PAX6: variants seen among roughly 807,000 people sequenced by gnomAD.
The protein encoded by PAX6 is paired box protein Pax-6.
Under a neutral mutation model 60.7 loss-of-function variants are expected in PAX6, and 7 were observed. That is an observed-to-expected ratio of 0.12 (90% CI 0.07 to 0.22). PAX6 has a LOEUF of 0.22. Among genes scored for constraint, PAX6 ranks in the 10% least tolerant of loss-of-function variants. The pLI, the probability that PAX6 is intolerant of heterozygous loss-of-function variation, is 1.00. For missense variants in PAX6, 355 were observed against 555.2 expected (o/e 0.64, Z 3.62); for synonymous variants, 208 against 201.2 (o/e 1.03, Z -0.29).
Position 31,790,004 on chromosome 11 carries a change from C to A in PAX6, c.1241G>T (p.Gly414Val). 6.3e-7 allele frequency: 1 copy of A among 1,592,278 alleles called. No individual in the cohort carries two copies. Among genetic ancestry groups the A allele is most frequent in the Non-Finnish European group, 8.5e-7 (1 of 1,175,702 alleles). Residue 414 changes from glycine to valine, a missense_variant, in exon 14 of 14, where the codon GGT becomes GTT. Around this residue, in one of 5 missense-constraint regions of PAX6, gnomAD observed 149 missense variants for 191.9 expected, o/e 0.78. Coordinates refer to ENST00000640368, the MANE Select transcript of PAX6 (RefSeq NM_001368894.2). ...GGGAACTTGAACTGGAACTGACACA[C>A]CAGGGGAAATGAGTCCTAGAAGTGG... ...GTTSTGLISP[G>V]VSVPVQVPGS...
chr11:31,793,628 C>G (rs982149565), intron 11 of PAX6, 24 bp downstream of exon 11: 1 of 1,614,014 alleles, frequency 6.2e-7, no homozygotes, highest in Non-Finnish European at 8.5e-7. Flanking sequence ...GACATTGATT[C>G]GTAGTATTAG....
At chr11:31,799,738 C>T (rs1042828054) in intron 8 of PAX6, among the ~76,000 whole-genome samples, 8 of 152,192 alleles carry the variant, frequency 5.3e-5, no homozygotes, top group Non-Finnish European at 1.2e-4. Flanking sequence ...GCAGCCTCCT[C>T]GCAGTCCCGC....
Position 31,794,698 on chromosome 11 carries a change from T to G in PAX6, c.656A>C (p.Gln219Pro), listed in dbSNP as rs745639948. Residue 219 changes from glutamine to proline, a missense_variant, in exon 9 of 14, where the codon CAG becomes CCG. Physicochemically the swap from Gln to Pro is moderately conservative, Grantham distance 76. Coordinates refer to ENST00000640368, the MANE Select transcript of PAX6 (RefSeq NM_001368894.2). The part of the protein sequence containing the change: ...EDSDEAQMRL[Q>P]LKRKLQRNRT... The stretch of plus-strand genomic sequence containing the variant: ...ATTTCTTTGCAGCTTCCGCTTCAGC[T>G]GAAGTCGCATTTGAGCCTCATCTGA... The G allele has an allele frequency of 6.2e-7, 1 of 1,614,210 alleles. No individual in the cohort carries two copies. The highest frequency in any genetic ancestry group is 1.7e-5 in the Admixed American group (1 of 60,034).
intron 8 of PAX6, among the ~76,000 whole-genome samples, chr11:31,796,708 G>A (rs1052452633): frequency 3.3e-5 from 5 of 151,924 alleles, no homozygotes; most frequent in African/African-American, 1.2e-4. Flanking sequence ...AAACATAGAG[G>A]CTAGAAAGGT....
At chr11:31,801,799 A>G in intron 6 of PAX6, 23 bp from the exon 7 acceptor site, 1 of 1,614,188 alleles carries the variant, frequency 6.2e-7, no homozygotes, top group Non-Finnish European at 8.5e-7. Context: ...AGTGGACAGA[A>G]AACCACATTA....
At chr11:31,815,930 C>A (rs994274836), upstream of PAX6, among the ~76,000 whole-genome samples, 1 of 152,214 alleles carries the variant, frequency 6.6e-6, no homozygotes, top group Non-Finnish European at 1.5e-5. Context: ...TTGGCTCAGC[C>A]GAATGCGGCC....
At chr11:31,802,647 G>T (rs1299818621) in intron 5 of PAX6, 57 bp downstream of exon 5, 3 of 1,573,728 alleles carry the variant, frequency 1.9e-6, no homozygotes, top group Admixed American at 1.8e-5. Flanking sequence ...ATGAAGAGAG[G>T]GCGTTGAGAG....
chr11:31,801,019 GATAGCT>G, intron 7 of PAX6, 163 bp from the exon 8 acceptor site: 1 of 823,772 alleles, frequency 1.2e-6, no homozygotes, highest in Admixed American at 2.0e-5. Context: ...TGGAAAAAAT[GATAGCT>G]ATCACTTTGG....
At chr11:31,807,343 G>T in intron 2 of PAX6, 1 of 152,726 alleles carries the variant, frequency 6.5e-6, no homozygotes, top group Non-Finnish European at 1.5e-5. Flanking sequence ...GTGCCGGAGA[G>T]CATAGGCTGG....
At chr11:31,790,129 T>C (rs1312143508) in intron 13 of PAX6, 110 bp from the exon 14 acceptor site, 1 of 739,506 alleles carries the variant, frequency 1.4e-6, no homozygotes, top group African/African-American at 1.8e-5. Context: ...AACTAATACT[T>C]TCTAACATTT....
chr11:31,802,194 A>G (rs1351977470), intron 5 of PAX6: 3 of 449,186 alleles, frequency 6.7e-6, no homozygotes, highest in African/African-American at 2.0e-5. Flanking sequence ...TGATTTTTTT[A>G]CTTCTTCTTC....
At chr11:31,792,482 A>G (rs1230561266) in intron 12 of PAX6, 1 of 152,220 alleles carries the variant, frequency 6.6e-6, no homozygotes, top group Non-Finnish European at 1.5e-5. Context: ...TGGAGAATAA[A>G]CAATCAGTGT....
At chr11:31,814,586 G>A (rs1266908175), upstream of PAX6, 1 of 152,290 alleles carries the variant, frequency 6.6e-6, no homozygotes, top group Admixed American at 6.5e-5. Context: ...AGACACCTGC[G>A]TCACTTTGTA....
upstream of PAX6, chr11:31,814,069 CGGCGG>C (rs1392966810): frequency 6.6e-6 from 1 of 152,098 alleles, no homozygotes; most frequent in African/African-American, 2.4e-5. Flanking sequence ...CGCGGGGGGG[CGGCGG>C]GGATTGCGCT....
chr11:31,806,873 T>A lies in PAX6; in HGVS notation c.-76A>T, dbSNP rs1022472178. On this transcript the variant is annotated 5_prime_UTR_variant, in exon 3 of 14. Transcript: ENST00000640368. ...CCTGAAATCTCGGATGTCTGTCCAC[T>A]CTCACAATAAAAGGCCTCACACATC... The A allele has an allele frequency of 1.2e-5, 2 of 163,828 alleles. No individual in the cohort carries two copies. The highest frequency in any genetic ancestry group is 2.6e-5 in the Non-Finnish European group (2 of 75,752). 10.1% of individuals were successfully genotyped at this position (163,828 alleles called of 1,614,324 possible).
chr11:31,792,606 G>A (rs1950270119), intron 12 of PAX6: 1 of 153,020 alleles, frequency 6.5e-6, no homozygotes, highest in Non-Finnish European at 1.5e-5. Context: ...AGGCCTACCA[G>A]AAGACAGACA....
chr11:31,806,635 C>A (rs1021965576), intron 3 of PAX6, 173 bp from the exon 4 acceptor site: 4 of 590,000 alleles, frequency 6.8e-6, no homozygotes, highest in African/African-American at 5.6e-5. Context: ...GCAGTGCATA[C>A]AAAATCTACC....
intron 12 of PAX6, chr11:31,791,505 A>G (rs1477852676): frequency 6.3e-6 from 1 of 158,776 alleles, no homozygotes; most frequent in Admixed American, 5.9e-5. Flanking sequence ...AACTGTTGCT[A>G]CCCTCGAACT....
intron 1 of PAX6, chr11:31,816,540 T>A: frequency 1.4e-6 from 1 of 702,610 alleles, no homozygotes. Flanking sequence ...GTTTGATTTA[T>A]GACTGGAGGA....
Sources: gnomAD v4.1 joint callset for allele counts (sites outside exome capture counted in the v4.1 genomes callset) on GRCh38, gnomAD v4.1.1 for gene constraint, gnomAD v4.1.1 regional missense constraint, MANE v1.5 for transcripts, NCBI Gene and HGNC (gene_info 2026-07-23, HGNC 2026-07-21) for gene names.